VCX: variants seen among roughly 807,000 people sequenced by gnomAD.
VCX encodes variable charge X-linked protein 1.
For missense variants in VCX, 45 were observed against 171.8 expected (o/e 0.26, Z 4.13); for synonymous variants, 17 against 79.4 (o/e 0.21, Z 4.18).
Position 7,843,699 on chromosome X carries a change from G to T in VCX, c.304G>T (p.Asp102Tyr). 9.0e-7 allele frequency: 1 copy of T among 1,112,404 alleles called. No individual in the cohort carries two copies. The highest frequency in any genetic ancestry group is 1.9e-5 in the South Asian group (1 of 52,999). The allele number at this position is 1,112,404 out of a possible 1,213,427, so 91.7% of individuals were successfully genotyped here. ...EEPVSEGTQHDPLSQEAELEE... is the reference protein window; with the variant it reads ...EEPVSEGTQHYPLSQEAELEE... ...GCCAGTGAGCGAGGGGACCCAGCAC[G>T]ACCCCCTGAGTCAGGAGGCCGAGCT... Residue 102 changes from aspartate (D) to tyrosine (Y), a missense_variant, in exon 2 of 2, where the codon GAC becomes TAC. Physicochemically the swap from Asp to Tyr is radical, Grantham distance 160. Transcript: ENST00000688183.
At chrX:7,842,979 A>ACC (rs746326926), upstream of VCX, 126 of 21,875 alleles carry the variant, frequency 5.8e-3, 5 homozygotes, top group South Asian at 0.015. Context: ...ATTAGATGTC[A>ACC]CCCCCCCCCC....
Position 7,844,014 on chromosome X carries a change from T to A in VCX, c.619T>A (p.Ter207LysextTer13), listed in dbSNP as rs754650899. 3 of 1,130,778 alleles carry A rather than the reference T, an allele frequency of 2.7e-6. No individual in the cohort carries two copies. The highest frequency in any genetic ancestry group is 3.6e-6 in the Non-Finnish European group (3 of 842,100). 93.2% of individuals were successfully genotyped at this position (1,130,778 alleles called of 1,213,427 possible). A position where few individuals can be genotyped will look rare whatever the true frequency, so the allele number is the denominator to read the frequency against. Residue 207 changes from the stop codon to lysine (K), a stop_lost, in exon 2 of 2, where the codon TAG becomes AAG. Transcript: ENST00000688183. The part of the protein sequence containing the change: ...ESEMEELPSV[*>K] ...CGAGATGGAAGAACTACCGAGTGTG[T>A]AGACGGCCAAGTACTCCCCTATCTC...
upstream of VCX, chrX:7,842,994 C>A: frequency 1.5e-5 from 1 of 66,434 alleles, no homozygotes; most frequent in East Asian, 3.2e-4. Flanking sequence ...CCCCCCCGCC[C>A]CCGACTTCAT....
In VCX at chrX:7,843,737, G is replaced by A. The variant is rs373411195; in HGVS notation, c.342G>A (p.Leu114=). Residue 114 remains leucine, a synonymous_variant, in exon 2 of 2, where the codon CTG becomes CTA. Coordinates refer to ENST00000688183, the MANE Select transcript of VCX (RefSeq NM_001393662.1). ...AGGAGGCCGAGCTGGAGGAACCACT[G>A]AGTCAGGAGAGCGAGGTGGAAGAAC... ...LSQEAELEEP[L]SQESEVEEPL... 1 of 1,103,862 alleles carries A rather than the reference G, an allele frequency of 9.1e-7. No individual in the cohort carries two copies. The highest frequency in any genetic ancestry group is 2.4e-5 in the African/African-American group (1 of 42,427). The allele number at this position is 1,103,862 out of a possible 1,213,427, so 91.0% of individuals were successfully genotyped here.
upstream of VCX, chrX:7,842,837 C>A: frequency 3.5e-6 from 1 of 282,685 alleles, no homozygotes; most frequent in African/African-American, 3.0e-5. Flanking sequence ...GCGGAAATAT[C>A]CTCCCGTGCC....
At chrX:7,842,672 C>T, upstream of VCX, 1 of 151,369 alleles carries the variant, frequency 6.6e-6, no homozygotes, top group Admixed American at 7.4e-5. Flanking sequence ...AAGCGTGAGC[C>T]ACTGTGCCTG....
At chrX:7,842,642 T>C (rs1193334920), upstream of VCX, 2 of 129,534 alleles carry the variant, frequency 1.5e-5, no homozygotes, top group Admixed American at 1.6e-4. Context: ...CACCTTGGTC[T>C]CCCAAAGTGC....
In VCX at chrX:7,844,032, C is replaced by T. The variant is rs776803901; in HGVS notation, c.*16C>T. On this transcript the variant is annotated 3_prime_UTR_variant, in exon 2 of 2. Coordinates refer to ENST00000688183, the MANE Select transcript of VCX (RefSeq NM_001393662.1). ...GAGTGTGTAGACGGCCAAGTACTCC[C>T]CTATCTCCGAGAGCAGCGACTAAGT... is the stretch of plus-strand genomic sequence containing the variant. 6.2e-6 allele frequency: 7 copies of T among 1,133,534 alleles called. No individual in the cohort carries two copies. Among genetic ancestry groups the T allele is most frequent in the Admixed American group, 2.5e-5 (1 of 40,146 alleles). 93.4% of individuals were successfully genotyped at this position (1,133,534 alleles called of 1,213,427 possible).
rs778129684 is a variant in VCX, at chrX:7,843,919, G to C, written c.524G>C (p.Ser175Thr). 9.0e-7 allele frequency: 1 copy of C among 1,106,193 alleles called. No homozygotes were observed. Among genetic ancestry groups the C allele is most frequent in the Non-Finnish European group, 1.2e-6 (1 of 830,675 alleles). The allele number at this position is 1,106,193 out of a possible 1,213,427, so 91.2% of individuals were successfully genotyped here. A position where few individuals can be genotyped will look rare whatever the true frequency, so the allele number is the denominator to read the frequency against. ...SQESQVEEPLSQESEMEEPLS... is the reference protein window; with the variant it reads ...SQESQVEEPLTQESEMEEPLS... ...GAGAGCCAGGTGGAGGAACCACTGAGTCAGGAGAGCGAGATGGAAGAACCA... is the reference window on the plus strand; with the variant it reads ...GAGAGCCAGGTGGAGGAACCACTGACTCAGGAGAGCGAGATGGAAGAACCA... Residue 175 changes from serine (S) to threonine (T), a missense_variant, in exon 2 of 2, where the codon AGT becomes ACT. Transcript: ENST00000688183.
At chrX:7,843,060 C>T (rs1268433222), upstream of VCX, 247 of 701,238 alleles carry the variant, frequency 3.5e-4, 2 homozygotes, top group Non-Finnish European at 2.8e-4. Flanking sequence ...CCGCCCAGGG[C>T]GACCATTGGC....
upstream of VCX, chrX:7,842,777 G>A (rs1922406437): frequency 2.5e-5 from 6 of 235,601 alleles, no homozygotes; most frequent in Middle Eastern, 1.4e-3. Flanking sequence ...GATGGCAGGT[G>A]TGGAGGAACA....
upstream of VCX, chrX:7,843,074 G>A: frequency 2.7e-6 from 2 of 736,208 alleles, no homozygotes; most frequent in Non-Finnish European, 3.9e-6. Flanking sequence ...CATTGGCTGG[G>A]TAGTGGAGTG....
Position 7,844,095 on chromosome X carries a change from G to A in VCX, c.*79G>A, listed in dbSNP as rs199525034. On this transcript the variant is annotated 3_prime_UTR_variant, in exon 2 of 2. Transcript: ENST00000688183. Reference sequence around the variant, plus strand: ...GCCAGACCTCAGAGATCTCACCAGCGGGGTGCTTGCCATTCTGAAGATAAT... The same window carrying A: ...GCCAGACCTCAGAGATCTCACCAGCAGGGTGCTTGCCATTCTGAAGATAAT... 45,528 of 962,048 alleles carry A rather than the reference G, an allele frequency of 0.047. 929 individuals carry two copies. The highest frequency in any genetic ancestry group is 0.049 in the Middle Eastern group (129 of 2,627). 79.3% of individuals were successfully genotyped at this position (962,048 alleles called of 1,213,427 possible).
At chrX:7,842,537 C>G (rs1216853068), upstream of VCX, among the ~76,000 whole-genome samples, 5 of 109,707 alleles carry the variant, frequency 4.6e-5, no homozygotes, top group Non-Finnish European at 7.6e-5. Context: ...TGGGCATGCG[C>G]CACCATGCCT....
upstream of VCX, chrX:7,842,674 C>T (rs1473502165): frequency 2.6e-5 from 4 of 151,118 alleles, no homozygotes; most frequent in Admixed American, 1.5e-4. Flanking sequence ...GCGTGAGCCA[C>T]TGTGCCTGGT....
Position 7,843,682 on chromosome X carries a change from G to T in VCX, c.287G>T (p.Ser96Ile), listed in dbSNP as rs374421861. 9.0e-7 allele frequency: 1 copy of T among 1,115,475 alleles called. No homozygotes were observed. Among genetic ancestry groups the T allele is most frequent in the African/African-American group, 2.2e-5 (1 of 44,783 alleles). The allele number at this position is 1,115,475 out of a possible 1,213,427, so 91.9% of individuals were successfully genotyped here. A position where few individuals can be genotyped will look rare whatever the true frequency, so the allele number is the denominator to read the frequency against. ...GAGCTGCCGCCGGAGGAGCCAGTGA[G>T]CGAGGGGACCCAGCACGACCCCCTG... ...QHELPPEEPV[S>I]EGTQHDPLSQ... The change falls in exon 2 of 2, where the codon AGC becomes ATC. Residue 96 changes from serine (S) to isoleucine (I), a missense_variant. Physicochemically the swap from Ser to Ile is moderately radical, Grantham distance 142 (BLOSUM62 -2). Transcript: ENST00000688183.
upstream of VCX, chrX:7,842,572 G>A (rs1287643872): frequency 8.6e-6 from 1 of 116,643 alleles, no homozygotes; most frequent in Non-Finnish European, 1.8e-5. Context: ...TTTTCGTAGA[G>A]ATGGGTTTTC....
upstream of VCX, chrX:7,842,293 A>G (rs1170437002): frequency 9.1e-6 from 1 of 109,374 alleles, no homozygotes; most frequent in Admixed American, 9.8e-5. Flanking sequence ...AGTGAGATGG[A>G]AAAGTTCTTT....
At chrX:7,842,439 T>G (rs1169398622), upstream of VCX, 2 of 96,040 alleles carry the variant, frequency 2.1e-5, no homozygotes, top group Admixed American at 2.6e-4. Flanking sequence ...CAGGCTTGAG[T>G]GCAATGGCGC....
Sources: allele counts gnomAD v4.1 joint callset (sites outside exome capture counted in the v4.1 genomes callset), GRCh38; gene constraint gnomAD v4.1.1; transcripts MANE v1.5; gene names NCBI Gene and HGNC (gene_info 2026-07-23, HGNC 2026-07-21).